CTNNA2: variants seen among roughly 807,000 people sequenced by gnomAD.
CTNNA2 encodes catenin alpha-2.
In CTNNA2, 42 loss-of-function variants were observed where a neutral mutation model predicts 101.0. The observed-to-expected ratio is 0.42, with a 90% CI of 0.32 to 0.54. CTNNA2 has a LOEUF of 0.54. Ranked by LOEUF, CTNNA2 falls within the 20% of genes least tolerant of loss-of-function variation. The pLI, the probability that CTNNA2 is intolerant of heterozygous loss-of-function variation, is 0.14. For synonymous variants in CTNNA2, 450 were observed against 456.4 expected (o/e 0.99, Z 0.18); for missense variants, 871 against 1,223.1 (o/e 0.71, Z 4.29).
intron 1 of CTNNA2, among the ~76,000 whole-genome samples, chr2:79,527,116 C>A (rs1277616817): frequency 6.6e-6 from 1 of 152,050 alleles, no homozygotes; most frequent in Admixed American, 6.6e-5. Context: ...CAGTAAGAAT[C>A]TATTCTTCCA....
intron 18 of CTNNA2, among the ~76,000 whole-genome samples, chr2:80,640,309 T>G (rs1673328896): frequency 6.6e-6 from 1 of 152,156 alleles, no homozygotes; most frequent in Non-Finnish European, 1.5e-5. Context: ...CTTAGCAGAT[T>G]CTGAAGGAGC....
At chr2:80,472,694 G>A (rs145111596) in intron 9 of CTNNA2, among the ~76,000 whole-genome samples, 2 of 152,086 alleles carry the variant, frequency 1.3e-5, no homozygotes, top group African/African-American at 4.8e-5. Flanking sequence ...TGGGACCCAA[G>A]AAGGCCCATT....
At chr2:79,704,344 G>T (rs6547263) in intron 2 of CTNNA2, among the ~76,000 whole-genome samples, 4 of 152,034 alleles carry the variant, frequency 2.6e-5, no homozygotes, top group African/African-American at 7.2e-5. Flanking sequence ...GTGGGTGAAA[G>T]AAAATATATT....
intron 9 of CTNNA2, among the ~76,000 whole-genome samples, chr2:80,456,894 A>T (rs973567851): frequency 2.0e-5 from 3 of 152,160 alleles, no homozygotes; most frequent in Admixed American, 2.0e-4. Context: ...ACAGTTAGGT[A>T]GAAGGAATAA....
intron 7 of CTNNA2, among the ~76,000 whole-genome samples, chr2:80,360,957 G>A (rs1266412501): frequency 2.6e-5 from 4 of 151,482 alleles, no homozygotes; most frequent in Admixed American, 1.3e-4. Flanking sequence ...ATTATAGTGG[G>A]TTTTTTTTAA....
chr2:79,828,184 C>T (rs72824583), intron 3 of CTNNA2, among the ~76,000 whole-genome samples: 2,492 of 152,242 alleles, frequency 0.016, 28 homozygotes, highest in Non-Finnish European at 0.026. Flanking sequence ...TTTTTCCCTT[C>T]AAGTTGTTAA....
chr2:79,984,802 A>C (rs1691647324), intron 7 of CTNNA2, among the ~76,000 whole-genome samples: 1 of 152,178 alleles, frequency 6.6e-6, no homozygotes, highest in South Asian at 2.1e-4. Context: ...TCTGATCAGC[A>C]GCACTGTGAC....
At chr2:79,223,776 G>A (rs1361049181) in intron 2 of CTNNA2, among the ~76,000 whole-genome samples, 1 of 152,130 alleles carries the variant, frequency 6.6e-6, no homozygotes, top group Non-Finnish European at 1.5e-5. Flanking sequence ...TAATGCATAA[G>A]CATAGGAAAA....
chr2:80,315,545 C>T (rs1054111847), intron 7 of CTNNA2, among the ~76,000 whole-genome samples: 11 of 152,160 alleles, frequency 7.2e-5, no homozygotes, highest in Middle Eastern at 3.2e-3. Flanking sequence ...GTCGTCTCAT[C>T]CTCCAGTAGG....
chr2:79,651,451 C>A, intron 1 of CTNNA2, 101 bp from the exon 2 acceptor site: 1 of 1,094,812 alleles, frequency 9.1e-7, no homozygotes, highest in Non-Finnish European at 1.4e-6. Context: ...GGCTATCTTC[C>A]AGTATGTTCT....
At chr2:80,461,760 T>G (rs961004271) in intron 9 of CTNNA2, among the ~76,000 whole-genome samples, 4 of 152,196 alleles carry the variant, frequency 2.6e-5, no homozygotes, top group Non-Finnish European at 5.9e-5. Flanking sequence ...ACACTTCAGC[T>G]AGATCTTATT....
At chr2:79,999,159 G>A (rs757730536) in intron 7 of CTNNA2, among the ~76,000 whole-genome samples, 3 of 151,894 alleles carry the variant, frequency 2.0e-5, no homozygotes, top group Non-Finnish European at 4.4e-5. Flanking sequence ...GGTAGAGGCT[G>A]TCTCTATCCC....
intron 7 of CTNNA2, among the ~76,000 whole-genome samples, chr2:80,211,843 C>T (rs1385961369): frequency 2.0e-5 from 3 of 151,870 alleles, no homozygotes; most frequent in African/African-American, 7.3e-5. Context: ...ATTCTTCCTA[C>T]CCATAAGCGT....
chr2:79,736,965 C>A (rs1414992575), intron 2 of CTNNA2, among the ~76,000 whole-genome samples: 1 of 152,160 alleles, frequency 6.6e-6, no homozygotes, highest in African/African-American at 2.4e-5. Flanking sequence ...TGCTTTCCCA[C>A]CAAAAGACGG....
At chr2:79,249,467 A>G (rs59100560) in intron 2 of CTNNA2, among the ~76,000 whole-genome samples, 5,409 of 152,284 alleles carry the variant, frequency 0.036, 269 homozygotes, top group African/African-American at 0.11. Context: ...ACTGAGTCTT[A>G]TAACTCAAAT....
chr2:80,039,462 G>A (rs142946688), intron 7 of CTNNA2, among the ~76,000 whole-genome samples: 121 of 152,292 alleles, frequency 7.9e-4, no homozygotes, highest in African/African-American at 2.7e-3. Flanking sequence ...TTCTCACTCA[G>A]AAGAAAAGTG....
At chr2:80,438,428 T>TG (rs1682244601) in intron 9 of CTNNA2, among the ~76,000 whole-genome samples, 1 of 151,882 alleles carries the variant, frequency 6.6e-6, no homozygotes, top group Admixed American at 6.6e-5. Context: ...TTAGTTTTTT[T>TG]GTTTTGTTTT....
At position 80,271,981 on chromosome 2, in the gene CTNNA2, G is replaced by A. The variant is rs184949752; in HGVS notation, c.1057-121230G>A. Among the ~76,000 whole-genome samples the A allele has an allele frequency of 3.9e-3, 593 of 152,264 alleles. 1 individual carries two copies. The highest frequency in any genetic ancestry group is 0.013 in the African/African-American group (557 of 41,542). ...TGCCTTGTAGGTGGAAGGCCACCCC[G>A]GTTAGGTTGGATTCCACTGGAATAT... On this transcript the variant is annotated intron_variant, in intron 7 of 18. Transcript: ENST00000402739.
At chr2:79,481,569 C>T (rs565739235) in intron 4 of CTNNA2, among the ~76,000 whole-genome samples, 4 of 152,130 alleles carry the variant, frequency 2.6e-5, no homozygotes, top group South Asian at 2.1e-4. Context: ...TTAACACACA[C>T]GTACAAACAC....
Sources: allele counts gnomAD v4.1 joint callset (sites outside exome capture counted in the v4.1 genomes callset), GRCh38; gene constraint gnomAD v4.1.1; transcripts MANE v1.5; gene names NCBI Gene and HGNC (gene_info 2026-07-23, HGNC 2026-07-21).